The following PARD3B variants were observed in gnomAD, a reference collection of about 807,000 sequenced individuals.
The protein encoded by PARD3B is partitioning defective 3 homolog B.
PARD3B carries 103 observed loss-of-function variants against 130.2 expected under a neutral mutation model. The ratio of observed to expected loss-of-function variants is 0.79; its 90% confidence interval spans 0.67 to 0.93. PARD3B has a LOEUF of 0.93. PARD3B is among the 40% of genes least tolerant of loss of function. The pLI is 0.00. For synonymous variants in PARD3B, 583 were observed against 553.2 expected, an observed-to-expected ratio of 1.05 and a Z score of -0.76; for missense variants, 1,609 against 1,499.2, an observed-to-expected ratio of 1.07 and a Z score of -1.21.
chr2:205,172,217 C>T lies in PARD3B; in HGVS notation c.1627C>T (p.Arg543Cys), dbSNP rs200717165. The T allele has an allele frequency of 5.0e-5, 80 of 1,613,752 alleles. 1 individual carries two copies. Among genetic ancestry groups the T allele is most frequent in the South Asian group, 2.1e-4 (19 of 91,060 alleles). The change falls in exon 12 of 23, where the codon CGT becomes TGT. Residue 543 changes from arginine (R) to cysteine (C), a missense_variant. Coordinates refer to ENST00000406610, the MANE Select transcript of PARD3B (RefSeq NM_001302769.2). The stretch of plus-strand genomic sequence containing the variant: ...TTCCTTTCTTCTGCCTTAGGATGGT[C>T]GTCTGCGAATGAATGACCAGCTGAT... ...IHGGAAFKDG[R>C]LRMNDQLIAV...
intron 11 of PARD3B, among the ~76,000 whole-genome samples, chr2:205,171,961 G>A (rs575299439): frequency 5.3e-5 from 8 of 152,136 alleles, no homozygotes; most frequent in Admixed American, 2.6e-4. Flanking sequence ...TTATACAAAT[G>A]TCTAAATTAT....
intron 4 of PARD3B, among the ~76,000 whole-genome samples, chr2:205,102,967 C>T (rs1702890994): frequency 6.6e-6 from 1 of 151,872 alleles, no homozygotes; most frequent in African/African-American, 2.4e-5. Flanking sequence ...ACTCGGGAGG[C>T]TGAGCCAGGA....
rs368984499 is a variant in PARD3B at position 205,125,511 on chromosome 2, A to G, written c.1306-98A>G. 2.9e-6 allele frequency: 4 copies of G among 1,365,022 alleles called. No homozygotes were observed. The highest frequency in any genetic ancestry group is 4.7e-5 in the East Asian group (2 of 42,756). The allele number at this position is 1,365,022 out of a possible 1,614,324, so 84.6% of individuals were successfully genotyped here. ...TCATCTTTTCAGAGCTTCCTCAAGT[A>G]TGGGAGCCCATTTGCTTCTTGTTTT... On this transcript the variant is annotated intron_variant, in intron 9 of 22. Transcript: ENST00000406610. The surrounding 1 kb of genome is among the most constrained non-coding windows in gnomAD (Gnocchi z 4.0).
chr2:204,769,051 G>A (rs2041255033), intron 2 of PARD3B, among the ~76,000 whole-genome samples: 1 of 8,394 alleles, frequency 1.2e-4, no homozygotes, highest in African/African-American at 2.3e-4. Context: ...GAATAGGAGC[G>A]GTGAGAGAGG....
intron 1 of PARD3B, among the ~76,000 whole-genome samples, chr2:204,554,561 T>C (rs918321557): frequency 6.6e-6 from 1 of 152,112 alleles, no homozygotes; most frequent in African/African-American, 2.4e-5. Context: ...GGAATCTGAC[T>C]ACTTTTCAGT....
chr2:204,891,105 A>G (rs2046426818), intron 2 of PARD3B, among the ~76,000 whole-genome samples: 1 of 151,932 alleles, frequency 6.6e-6, no homozygotes, highest in Admixed American at 6.6e-5. Context: ...CAAAATTACA[A>G]CAGCACCACC....
At chr2:205,556,620 A>G (rs1487768570) in intron 22 of PARD3B, among the ~76,000 whole-genome samples, 1 of 152,202 alleles carries the variant, frequency 6.6e-6, no homozygotes, top group African/African-American at 2.4e-5. Flanking sequence ...CTCCTAAGAA[A>G]AATGACTTTA....
At position 205,287,534 on chromosome 2, in the gene PARD3B, G is replaced by T. The variant is rs1250903161; in HGVS notation, c.2186-12996G>T. On this transcript the variant is annotated intron_variant, in intron 16 of 22. Coordinates refer to ENST00000406610, the MANE Select transcript of PARD3B (RefSeq NM_001302769.2). This position sits in a 1 kb window ranked among gnomAD's most constrained non-coding sequence, Gnocchi z 4.8. Reference sequence around the variant, plus strand: ...GGCTTAGTTCTAGTTAGCCCTGTGTGTGTCAGTAGCTGTCCCAGAGCTCAC... The same window carrying T: ...GGCTTAGTTCTAGTTAGCCCTGTGTTTGTCAGTAGCTGTCCCAGAGCTCAC... Among the ~76,000 whole-genome samples the T allele has an allele frequency of 6.6e-6, 1 of 152,164 alleles. No individual in the cohort carries two copies. Among genetic ancestry groups the T allele is most frequent in the Non-Finnish European group, 1.5e-5 (1 of 68,042 alleles).
At chr2:204,969,731 A>T (rs1234128531) in intron 3 of PARD3B, among the ~76,000 whole-genome samples, 16 of 152,238 alleles carry the variant, frequency 1.1e-4, no homozygotes, top group African/African-American at 3.9e-4. Flanking sequence ...TAGGTACTAT[A>T]TGTGATAGCA....
intron 19 of PARD3B, among the ~76,000 whole-genome samples, chr2:205,431,704 C>T (rs892513550): frequency 1.3e-5 from 2 of 151,660 alleles, no homozygotes; most frequent in Admixed American, 6.6e-5. Context: ...CTCCTGACCT[C>T]GTGATCTGCC....
chr2:204,921,068 A>G (rs1221440130), intron 2 of PARD3B, among the ~76,000 whole-genome samples: 2 of 152,214 alleles, frequency 1.3e-5, no homozygotes, highest in African/African-American at 4.8e-5. Context: ...CAGATGTGCA[A>G]TAGATAAGTG....
intron 10 of PARD3B, among the ~76,000 whole-genome samples, chr2:205,145,840 A>AAG (rs1553624291): frequency 6.0e-5 from 9 of 150,388 alleles, no homozygotes; most frequent in African/African-American, 2.2e-4. Context: ...AAAAAAAAAA[A>AAG]CACCTTTTCC....
chr2:205,144,542 T>C (rs849107), intron 10 of PARD3B, among the ~76,000 whole-genome samples: 117,720 of 152,116 alleles, frequency 0.77, 45,896 homozygotes, highest in Admixed American at 0.83. Flanking sequence ...ATTTGTCATC[T>C]TCTATAAGAC....
chr2:204,652,555 C>T (rs2035515208), intron 1 of PARD3B, among the ~76,000 whole-genome samples: 1 of 152,220 alleles, frequency 6.6e-6, no homozygotes, highest in African/African-American at 2.4e-5. Flanking sequence ...TCCAGACTTT[C>T]CCACATCTTC....
intron 2 of PARD3B, among the ~76,000 whole-genome samples, chr2:204,698,583 T>G (rs2037729370): frequency 6.6e-6 from 1 of 152,046 alleles, no homozygotes; most frequent in Non-Finnish European, 1.5e-5. Context: ...TTAATGCTAT[T>G]TAACACATCT....
chr2:205,078,548 G>A lies in PARD3B; in HGVS notation c.505-25878G>A, dbSNP rs940183632. Among the ~76,000 whole-genome samples, 1 of 152,138 alleles carries A rather than the reference G, an allele frequency of 6.6e-6. No homozygotes were observed. The highest frequency in any genetic ancestry group is 1.5e-5 in the Non-Finnish European group (1 of 68,018). On this transcript the variant is annotated intron_variant, in intron 4 of 22. Transcript: ENST00000406610. This position sits in a 1 kb window ranked among gnomAD's most constrained non-coding sequence, Gnocchi z 4.0. ...GTGACTTCATTAATTTAAACTTGTA[G>A]TATTTTGCTTAAATTCATGTAATTT...
At chr2:205,046,365 T>C (rs1698779351) in intron 3 of PARD3B, among the ~76,000 whole-genome samples, 1 of 151,790 alleles carries the variant, frequency 6.6e-6, no homozygotes, top group Non-Finnish European at 1.5e-5. Context: ...TGGTGAAAAA[T>C]GTAGTGATGT....
chr2:204,842,209 T>C (rs1048271202), intron 2 of PARD3B, among the ~76,000 whole-genome samples: 3 of 152,144 alleles, frequency 2.0e-5, no homozygotes, highest in African/African-American at 7.2e-5. Context: ...AAAGCAATAG[T>C]CTTTCAAGCC....
chr2:205,159,523 C>A lies in PARD3B; in HGVS notation c.1620+616C>A, dbSNP rs74519384. On this transcript the variant is annotated intron_variant, in intron 11 of 22. Transcript: ENST00000406610. ...CTAGATGGCCGGTGTTCAAGTCCAG[C>A]TCAGTCCTTGCTAGCTGTATGGAAA... is the stretch of plus-strand genomic sequence containing the variant. Among the ~76,000 whole-genome samples, 21 of 152,296 alleles carry A rather than the reference C, an allele frequency of 1.4e-4. No individual in the cohort carries two copies. The East Asian group carries it at 3.5e-3, about 25-fold the overall frequency.
Sources: gnomAD v4.1 joint callset for allele counts (sites outside exome capture counted in the v4.1 genomes callset) on GRCh38, gnomAD v4.1.1 for gene constraint, Gnocchi (gnomAD v3.1) non-coding constraint, MANE v1.5 for transcripts, NCBI Gene and HGNC (gene_info 2026-07-23, HGNC 2026-07-21) for gene names.